GLYATL3: variants seen among roughly 807,000 people sequenced by gnomAD.
The protein encoded by GLYATL3 is glycine-N-acyltransferase like 3, also known as glycine N-acyltransferase-like protein 3.
Under a neutral mutation model 28.5 loss-of-function variants are expected in GLYATL3, and 31 were observed. The observed-to-expected ratio is 1.09, with a 90% confidence interval of 0.82 to 1.47. GLYATL3 has a LOEUF of 1.47. Among genes scored for constraint, GLYATL3 ranks in the 40% most tolerant of loss-of-function variants. GLYATL3 has a pLI of 0.00. For missense variants in GLYATL3, 369 were observed against 351.5 expected, an observed-to-expected ratio of 1.05 and a Z score of -0.40; for synonymous variants, 141 against 140.2, an observed-to-expected ratio of 1.01 and a Z score of -0.04.
intron 4 of GLYATL3, among the ~76,000 whole-genome samples, chr6:49,518,668 C>A (rs1011385766): frequency 1.3e-5 from 2 of 152,030 alleles, no homozygotes; most frequent in Non-Finnish European, 2.9e-5. Context: ...TAGTCAGGTG[C>A]GGTGGCTCAC....
chr6:49,516,850 C>T (rs1407574830), intron 3 of GLYATL3, among the ~76,000 whole-genome samples: 3 of 151,210 alleles, frequency 2.0e-5, no homozygotes, highest in African/African-American at 4.9e-5. Context: ...TTTCCTAATC[C>T]CAGAAGAAAG....
rs1255658713 is a variant in GLYATL3 at position 49,526,771 on chromosome 6, G to A, written c.724G>A (p.Gly242Arg). Reference sequence around the variant, plus strand: ...GCTGGCCAGGAAGTTGCAAAGCCGGGGATTCCCCTCTCAGGGGAACGTCCT... The same window carrying A: ...GCTGGCCAGGAAGTTGCAAAGCCGGAGATTCCCCTCTCAGGGGAACGTCCT... Reference protein sequence around the residue: ...LTLARKLQSRGFPSQGNVLDD... With the variant: ...LTLARKLQSRRFPSQGNVLDD... Residue 242 changes from glycine to arginine, a missense_variant, in exon 6 of 6, where the codon GGA becomes AGA. Coordinates refer to ENST00000371197, the MANE Select transcript of GLYATL3 (RefSeq NM_001010904.2). 1 of 1,551,820 alleles carries A rather than the reference G, an allele frequency of 6.4e-7. No homozygotes were observed. Among genetic ancestry groups the A allele is most frequent in the Non-Finnish European group, 8.7e-7 (1 of 1,147,020 alleles).
chr6:49,517,522 T>A lies in GLYATL3; in HGVS notation c.279T>A (p.Asp93Glu), dbSNP rs1159355833. 7 of 1,551,264 alleles carry A rather than the reference T, an allele frequency of 4.5e-6. No homozygotes were observed. Among genetic ancestry groups the A allele is most frequent in the Non-Finnish European group, 6.1e-6 (7 of 1,146,580 alleles). ...ATCGACAGCTATTGGAAGAATGTGA[T>A]GTTTTTAACTGGGACCAAGTTTTTC... ...RAYRQLLEECDVFNWDQVFQI... is the reference protein window; with the variant it reads ...RAYRQLLEECEVFNWDQVFQI... The change falls in exon 4 of 6, where the codon GAT (aspartate) becomes GAA (glutamate). Residue 93 changes from aspartate (D) to glutamate (E), a missense_variant. Coordinates refer to ENST00000371197, the MANE Select transcript of GLYATL3 (RefSeq NM_001010904.2).
rs535848483 is a variant in GLYATL3 at position 49,526,055 on chromosome 6, A to T, written c.441-433A>T. On this transcript the variant is annotated intron_variant, in intron 5 of 5. Transcript: ENST00000371197. ...GGTGTTGGTAAATCGGGAATGGTGG[A>T]TTCTAACTCACTGAAAATCTTAGGT... 3.3e-5 allele frequency among the ~76,000 whole-genome samples: 5 copies of T among 152,308 alleles called. No individual in the cohort carries two copies. In the South Asian group the frequency reaches 1.0e-3, roughly 32 times the overall value.
intron 1 of GLYATL3, among the ~76,000 whole-genome samples, chr6:49,510,046 A>ATTTTT (rs1554164910): frequency 2.1e-4 from 18 of 86,462 alleles, no homozygotes; most frequent in East Asian, 9.3e-4. Flanking sequence ...TTATTTATTT[A>ATTTTT]TTTTTTTGAC....
intron 2 of GLYATL3, among the ~76,000 whole-genome samples, chr6:49,512,636 T>G (rs1769145202): frequency 1.3e-5 from 2 of 152,322 alleles, no homozygotes; most frequent in South Asian, 4.1e-4. Flanking sequence ...AAACTGAGGT[T>G]TAGATCTTGT....
At chr6:49,525,093 A>ATTTTTTTTTTTTTTTTTTTTT (rs10630585) in intron 5 of GLYATL3, among the ~76,000 whole-genome samples, 1 of 141,354 alleles carries the variant, frequency 7.1e-6, no homozygotes, top group African/African-American at 2.6e-5. Flanking sequence ...ATTCTAAAAC[A>ATTTTTTTTTTTTTTTTTTTTT]TTTTTTTTTT....
chr6:49,511,875 A>C (rs1451709054), intron 1 of GLYATL3, 88 bp from the exon 2 acceptor site: 1 of 541,244 alleles, frequency 1.8e-6, no homozygotes, highest in East Asian at 3.1e-5. Context: ...AATTATACCC[A>C]ATGAAAATAG....
intron 5 of GLYATL3, among the ~76,000 whole-genome samples, chr6:49,525,064 G>A (rs1005376521): frequency 1.4e-5 from 2 of 146,820 alleles, no homozygotes; most frequent in Admixed American, 6.8e-5. Context: ...GGCCATGGAT[G>A]CATAACCACA....
At chr6:49,502,689 A>G (rs1768936046) in intron 1 of GLYATL3, among the ~76,000 whole-genome samples, 1 of 152,220 alleles carries the variant, frequency 6.6e-6, no homozygotes, top group Admixed American at 6.5e-5. Context: ...TATCCACAAA[A>G]TGAACAGTTT....
chr6:49,508,833 T>A (rs2058831359), intron 1 of GLYATL3, among the ~76,000 whole-genome samples: 1 of 151,878 alleles, frequency 6.6e-6, no homozygotes, highest in South Asian at 2.1e-4. Flanking sequence ...TTTCAGGGGG[T>A]CTGCCTACAG....
At chr6:49,519,769 A>G (rs1769281589) in intron 4 of GLYATL3, among the ~76,000 whole-genome samples, 2 of 152,210 alleles carry the variant, frequency 1.3e-5, no homozygotes. Flanking sequence ...CCATTAATGA[A>G]CAATATTAAA....
chr6:49,526,468 T>C lies in GLYATL3; in HGVS notation c.441-20T>C. On this transcript the variant is annotated intron_variant, in intron 5 of 5. Transcript: ENST00000371197. ...ACATGAGTCTGAGGTCCTATTTGTT[T>C]TTGTGTCATTCTGGTCTAGCAAGGG... 6.5e-7 allele frequency: 1 copy of C among 1,544,486 alleles called. No homozygotes were observed. Among genetic ancestry groups the C allele is most frequent in the African/African-American group, 1.4e-5 (1 of 72,974 alleles).
At chr6:49,502,061 T>C (rs1768923284) in intron 1 of GLYATL3, among the ~76,000 whole-genome samples, 1 of 152,220 alleles carries the variant, frequency 6.6e-6, no homozygotes, top group Admixed American at 6.5e-5. Context: ...CAATTTTGTA[T>C]TTACAATAAT....
At chr6:49,504,375 T>C (rs1053878252) in intron 1 of GLYATL3, among the ~76,000 whole-genome samples, 6 of 152,034 alleles carry the variant, frequency 3.9e-5, no homozygotes, top group African/African-American at 9.7e-5. Flanking sequence ...AAACAGGAGA[T>C]TGATATTCAC....
At chr6:49,508,305 TAACAAC>T (rs770533337) in intron 1 of GLYATL3, among the ~76,000 whole-genome samples, 1 of 151,750 alleles carries the variant, frequency 6.6e-6, no homozygotes, top group East Asian at 1.9e-4. Flanking sequence ...CAAACAACAA[TAACAAC>T]AACAACAACA....
chr6:49,511,378 A>G (rs971364168), intron 1 of GLYATL3, among the ~76,000 whole-genome samples: 11 of 152,096 alleles, frequency 7.2e-5, no homozygotes, highest in Non-Finnish European at 1.5e-4. Flanking sequence ...CTTCATCTTC[A>G]ATCTAGGTAT....
chr6:49,521,763 C>T lies in GLYATL3; in HGVS notation c.432C>T (p.Thr144=). Residue 144 remains threonine (T), a synonymous_variant, in exon 5 of 6, where the codon ACC becomes ACT. Coordinates refer to ENST00000371197, the MANE Select transcript of GLYATL3 (RefSeq NM_001010904.2). ...HFSPVSSLPD[T]SFLKGPSPRL... is the part of the protein sequence containing the mutation. ...CTCCTGTTTCATCTCTGCCAGATAC[C>T]AGTTTCCTGTATGTAAACCAAGTTT... 19 of 1,551,214 alleles carry T rather than the reference C, an allele frequency of 1.2e-5. No homozygotes were observed. Among genetic ancestry groups the T allele is most frequent in the Non-Finnish European group, 1.7e-5 (19 of 1,146,780 alleles).
intron 2 of GLYATL3, among the ~76,000 whole-genome samples, chr6:49,513,505 C>T (rs1769158515): frequency 6.6e-6 from 1 of 152,156 alleles, no homozygotes; most frequent in Admixed American, 6.5e-5. Flanking sequence ...GCATTCCAAT[C>T]ATATTTAGGT....
Sources: gnomAD v4.1 joint callset for allele counts (sites outside exome capture counted in the v4.1 genomes callset) on GRCh38, gnomAD v4.1.1 for gene constraint, MANE v1.5 for transcripts, NCBI Gene and HGNC (gene_info 2026-07-23, HGNC 2026-07-21) for gene names.